The following STARD9 variants were observed in gnomAD, a reference collection of about 807,000 sequenced individuals.
STARD9 encodes the protein StAR related lipid transfer domain containing 9.
STARD9 carries 346 observed loss-of-function variants against 399.8 expected under a neutral mutation model. The observed-to-expected ratio is 0.87, with a 90% CI of 0.79 to 0.95. The LOEUF (loss-of-function observed/expected upper bound fraction) is 0.95. STARD9 is among the 40% of genes least tolerant of loss of function. The pLI, the probability that STARD9 is intolerant of heterozygous loss-of-function variation, is 0.00. For synonymous variants in STARD9, 2,203 were observed against 2,143.5 expected (o/e 1.03, Z -0.77); for missense variants, 5,832 against 5,667.5 (o/e 1.03, Z -0.93).
intron 15 of STARD9, 67 bp downstream of exon 15, chr15:42,665,915 T>A (rs2060091986): frequency 2.2e-6 from 3 of 1,337,876 alleles, no homozygotes; most frequent in Non-Finnish European, 3.1e-6. Flanking sequence ...ATTCCGGAGC[T>A]AGGTAGGGTT....
intron 31 of STARD9, 116 bp downstream of exon 31, chr15:42,718,630 C>A: frequency 1.4e-6 from 2 of 1,425,122 alleles, no homozygotes; most frequent in Non-Finnish European, 1.9e-6. Context: ...GGGGCTGGAG[C>A]CAGGGTAGGG....
intron 26 of STARD9, among the ~76,000 whole-genome samples, chr15:42,708,306 G>GC (rs1210665309): frequency 4.6e-5 from 7 of 152,216 alleles, no homozygotes; most frequent in Non-Finnish European, 8.8e-5. Flanking sequence ...GCAAACTATG[G>GC]CCCTTTGGCC....
chr15:42,638,887 T>A, intron 7 of STARD9, 75 bp downstream of exon 7: 4 of 783,578 alleles, frequency 5.1e-6, no homozygotes, highest in Admixed American at 2.6e-5. Context: ...CCTAATTCAT[T>A]GAACATAGGT....
intron 3 of STARD9, among the ~76,000 whole-genome samples, chr15:42,601,559 G>A (rs1358171886): frequency 1.1e-4 from 17 of 149,740 alleles, no homozygotes; most frequent in Admixed American, 2.0e-4. Flanking sequence ...CGGACGGGGC[G>A]GCTGGCTGGG....
chr15:42,644,551 G>GTGGT (rs2059610134), intron 7 of STARD9, among the ~76,000 whole-genome samples: 4 of 152,148 alleles, frequency 2.6e-5, no homozygotes, highest in African/African-American at 9.7e-5. Context: ...AAAAATGCTA[G>GTGGT]TGGTTACCTG....
rs148710371 is a variant in STARD9 at position 42,702,813 on chromosome 15, C to T, written c.13284+6933C>T. Among the ~76,000 whole-genome samples, 315 of 152,292 alleles carry T rather than the reference C, an allele frequency of 2.1e-3. 2 individuals are homozygous for T. The highest frequency in any genetic ancestry group is 7.1e-3 in the African/African-American group (295 of 41,542). ...GGATAGTTTTACTGGATGAAGTATT[C>T]TTGGTTGATGTTTTTTTCCTTCAGC... On this transcript the variant is annotated intron_variant, in intron 26 of 32. Transcript: ENST00000290607.
chr15:42,717,724 T>C lies in STARD9; in HGVS notation c.13495-7T>C, dbSNP rs1460812372. On this transcript the variant is annotated splice_polypyrimidine_tract_variant and splice_region_variant and intron_variant, in intron 28 of 32. Coordinates refer to ENST00000290607, the MANE Select transcript of STARD9 (RefSeq NM_020759.3). ...TCCTAATTTGGGTGTGGCCATTGTG[T>C]CCCCAGGTAATGGCTGCTTGTTCGG... 35 of 1,537,064 alleles carry C rather than the reference T, an allele frequency of 2.3e-5. No homozygotes were observed. Among genetic ancestry groups the C allele is most frequent in the Non-Finnish European group, 2.8e-5 (32 of 1,146,856 alleles).
At chr15:42,598,246 T>C (rs1401384293) in intron 3 of STARD9, among the ~76,000 whole-genome samples, 1 of 147,570 alleles carries the variant, frequency 6.8e-6, no homozygotes, top group African/African-American at 2.5e-5. Flanking sequence ...TTAGCCAGGA[T>C]GGTCTTGATC....
At chr15:42,647,331 G>C (rs1383200588) in intron 7 of STARD9, among the ~76,000 whole-genome samples, 1 of 152,114 alleles carries the variant, frequency 6.6e-6, no homozygotes, top group Non-Finnish European at 1.5e-5. Flanking sequence ...ACTAAGAAAT[G>C]CAAGTTAAAC....
At chr15:42,576,123 A>G (rs1421075252) in intron 1 of STARD9, among the ~76,000 whole-genome samples, 1 of 152,080 alleles carries the variant, frequency 6.6e-6, no homozygotes, top group African/African-American at 2.4e-5. Flanking sequence ...GGGGCTTGGG[A>G]GTACCCATGA....
chr15:42,675,186 T>C (rs1002043120), intron 18 of STARD9, among the ~76,000 whole-genome samples: 1 of 152,236 alleles, frequency 6.6e-6, no homozygotes, highest in Non-Finnish European at 1.5e-5. Flanking sequence ...CCTGTGTTAA[T>C]TAGCTCTGTC....
At chr15:42,606,314 T>A (rs2058721679) in intron 3 of STARD9, among the ~76,000 whole-genome samples, 1 of 152,220 alleles carries the variant, frequency 6.6e-6, no homozygotes, top group Non-Finnish European at 1.5e-5. Context: ...GAGTATGACA[T>A]GAATTAGCTG....
At chr15:42,650,898 TC>T in intron 7 of STARD9, 117 bp from the exon 8 acceptor site, 1 of 622,872 alleles carries the variant, frequency 1.6e-6, no homozygotes, top group Non-Finnish European at 2.6e-6. Flanking sequence ...TTGGCCAGAT[TC>T]CCTCATTTTT....
At chr15:42,578,076 T>C (rs1230864285) in intron 1 of STARD9, among the ~76,000 whole-genome samples, 6 of 151,898 alleles carry the variant, frequency 4.0e-5, no homozygotes, top group Admixed American at 3.3e-4. Context: ...CAAGTGCCTA[T>C]TTATTCAGTA....
rs2060680753 is a variant in STARD9 at position 42,691,006 on chromosome 15, C to T, written c.9428C>T (p.Thr3143Ile). The T allele has an allele frequency of 6.5e-7, 1 of 1,537,208 alleles. No individual in the cohort carries two copies. Among genetic ancestry groups the T allele is most frequent in the African/African-American group, 1.4e-5 (1 of 73,142 alleles). ...CCTGCAACAACTCAGGGACCACACA[C>T]CCTGGATTTAAGTGAAGGGTCTGCT... ...EPPATTQGPH[T>I]LDLSEGSAES... Residue 3143 changes from threonine (T) to isoleucine (I), a missense_variant, in exon 23 of 33, where the codon ACC (threonine) becomes ATC (isoleucine). Coordinates refer to ENST00000290607, the MANE Select transcript of STARD9 (RefSeq NM_020759.3).
In STARD9 at chr15:42,585,554, C is replaced by G; in HGVS notation, c.151C>G (p.Arg51Gly). 8 of 1,537,048 alleles carry G rather than the reference C, an allele frequency of 5.2e-6. No individual in the cohort carries two copies. The highest frequency in any genetic ancestry group is 1.2e-5 in the South Asian group (1 of 84,054). The change falls in exon 3 of 33, where the codon CGG becomes GGG. Residue 51 changes from arginine to glycine, a missense_variant. By Grantham distance (125) the Arg-to-Gly change is moderately radical. Transcript: ENST00000290607. Reference sequence around the variant, plus strand: ...TCGACCAGATGGCTTTGGGGACTCCCGGGAGAAGGTTATGGCATTTGGCTT... The same window carrying G: ...TCGACCAGATGGCTTTGGGGACTCCGGGGAGAAGGTTATGGCATTTGGCTT... ...DNRPDGFGDSREKVMAFGFDY... is the reference protein window; with the variant it reads ...DNRPDGFGDSGEKVMAFGFDY...
intron 1 of STARD9, among the ~76,000 whole-genome samples, chr15:42,578,655 A>T (rs1190909688): frequency 1.3e-5 from 2 of 151,304 alleles, no homozygotes; most frequent in Non-Finnish European, 2.9e-5. Context: ...TTTTTCCAAG[A>T]ATATGTAAAA....
Position 42,675,682 on chromosome 15 carries a change from G to A in STARD9, c.1706G>A (p.Gly569Glu), listed in dbSNP as rs2060296014. 1 of 1,537,140 alleles carries A rather than the reference G, an allele frequency of 6.5e-7. No individual in the cohort carries two copies. The change falls in exon 19 of 33, where the codon GGG becomes GAG. Residue 569 changes from glycine (G) to glutamate (E), a missense_variant. This residue lies in a region of STARD9 where 5,828 missense variants were observed against 5,651.1 expected (regional missense o/e 1.03). Coordinates refer to ENST00000290607, the MANE Select transcript of STARD9 (RefSeq NM_020759.3). The part of the protein sequence containing the change: ...RLTQGAVITL[G>E]KAQKFRFNHP... ...GCTGCAGGAGCTGTCATAACCCTGG[G>A]GAAGGCACAGAAGTTCCGATTCAAC...
chr15:42,619,903 T>C (rs934565816), intron 3 of STARD9, among the ~76,000 whole-genome samples: 1 of 152,232 alleles, frequency 6.6e-6, no homozygotes, highest in African/African-American at 2.4e-5. Flanking sequence ...TAACTTGCCC[T>C]AAGGCTTGAG....
Sources: allele counts gnomAD v4.1 joint callset (sites outside exome capture counted in the v4.1 genomes callset), GRCh38; gene constraint gnomAD v4.1.1; regional missense constraint gnomAD v4.1.1; transcripts MANE v1.5; gene names NCBI Gene and HGNC (gene_info 2026-07-23, HGNC 2026-07-21).